GPATCH2: variants seen among roughly 807,000 people sequenced by gnomAD.
GPATCH2 encodes the protein G-patch domain containing 2.
A neutral mutation model predicts 58.0 loss-of-function variants in GPATCH2; 51 were observed. The ratio of observed to expected loss-of-function variants is 0.88; its 90% CI spans 0.70 to 1.11. GPATCH2 has a LOEUF of 1.11. Among genes scored for constraint, GPATCH2 ranks in the 50% most tolerant of loss-of-function variants. GPATCH2 has a pLI of 0.00. For synonymous variants in GPATCH2, 222 were observed against 218.5 expected (o/e 1.02, Z -0.14); for missense variants, 625 against 652.2 (o/e 0.96, Z 0.45).
intron 1 of GPATCH2, among the ~76,000 whole-genome samples, chr1:217,629,257 A>T (rs1669615011): frequency 6.6e-6 from 1 of 152,110 alleles, no homozygotes; most frequent in Non-Finnish European, 1.5e-5. Context: ...ATAGACTAGA[A>T]AATAAAGATC....
rs1669735004 is a variant in GPATCH2, at chr1:217,631,011, T to C, written c.-40A>G. On this transcript the variant is annotated 5_prime_UTR_variant, in exon 1 of 10. Transcript: ENST00000366935. ...AGCCTGGCCTCGAAGCTCAGGCCCGTGAACAGACTCCAACTACAACAGCAC... is the reference window on the plus strand; with the variant it reads ...AGCCTGGCCTCGAAGCTCAGGCCCGCGAACAGACTCCAACTACAACAGCAC... 1 of 1,553,572 alleles carries C rather than the reference T, an allele frequency of 6.4e-7. No individual in the cohort carries two copies. Among genetic ancestry groups the C allele is most frequent in the Non-Finnish European group, 8.7e-7 (1 of 1,150,500 alleles).
At chr1:217,432,796 T>C (rs1044823097) in intron 9 of GPATCH2, among the ~76,000 whole-genome samples, 1 of 152,122 alleles carries the variant, frequency 6.6e-6, no homozygotes. Context: ...TTTGTCTTAG[T>C]GAGAACATAT....
At chr1:217,463,337 C>A (rs963503387) in intron 8 of GPATCH2, among the ~76,000 whole-genome samples, 2 of 151,912 alleles carry the variant, frequency 1.3e-5, no homozygotes, top group Non-Finnish European at 2.9e-5. Flanking sequence ...TAAAATCTAC[C>A]GTAGAGATGG....
At chr1:217,528,838 G>A (rs1228565696) in intron 5 of GPATCH2, among the ~76,000 whole-genome samples, 5 of 152,210 alleles carry the variant, frequency 3.3e-5, no homozygotes, top group Non-Finnish European at 7.3e-5. Flanking sequence ...GAGGGGACCA[G>A]GGTGAGGACT....
intron 8 of GPATCH2, among the ~76,000 whole-genome samples, chr1:217,469,469 A>G (rs965922519): frequency 6.6e-6 from 1 of 152,152 alleles, no homozygotes; most frequent in Non-Finnish European, 1.5e-5. Context: ...AATTTGAAAA[A>G]CAATTATTTC....
intron 5 of GPATCH2, among the ~76,000 whole-genome samples, chr1:217,591,515 C>G (rs1178204538): frequency 1.3e-5 from 2 of 151,996 alleles, no homozygotes; most frequent in Non-Finnish European, 2.9e-5. Context: ...TAAACCCTGG[C>G]TAATATCTTA....
intron 8 of GPATCH2, among the ~76,000 whole-genome samples, chr1:217,466,948 G>A (rs1660484472): frequency 3.9e-5 from 6 of 152,278 alleles, no homozygotes; most frequent in Admixed American, 3.9e-4. Context: ...TGAGGCAGGC[G>A]GATTGCCTGA....
intron 5 of GPATCH2, among the ~76,000 whole-genome samples, chr1:217,537,620 G>A (rs749525119): frequency 2.6e-5 from 4 of 151,904 alleles, no homozygotes; most frequent in South Asian, 2.1e-4. Context: ...AAACCACTTC[G>A]GTCTTATATG....
chr1:217,571,715 AAAAAAC>A (rs1263712906), intron 5 of GPATCH2, among the ~76,000 whole-genome samples: 186 of 148,750 alleles, frequency 1.3e-3, no homozygotes, highest in Non-Finnish European at 2.1e-3. Flanking sequence ...AAAAAAAAAA[AAAAAAC>A]AAAAAAGAAG....
At chr1:217,514,759 A>G in intron 6 of GPATCH2, 63 bp downstream of exon 6, 1 of 739,882 alleles carries the variant, frequency 1.4e-6, no homozygotes. Context: ...AGTAGCTAAT[A>G]ATTTCCCAAA....
At chr1:217,472,142 A>T (rs1229780339) in intron 8 of GPATCH2, among the ~76,000 whole-genome samples, 5 of 152,156 alleles carry the variant, frequency 3.3e-5, no homozygotes, top group Non-Finnish European at 7.3e-5. Flanking sequence ...TAAACAATTG[A>T]ATAAAGCTGC....
chr1:217,506,721 G>A (rs1269363479), intron 6 of GPATCH2, among the ~76,000 whole-genome samples: 4 of 152,158 alleles, frequency 2.6e-5, no homozygotes, highest in Non-Finnish European at 4.4e-5. Flanking sequence ...GCTCCTTGCC[G>A]AACCTTCTCT....
chr1:217,464,436 G>A (rs1012745481), intron 8 of GPATCH2, among the ~76,000 whole-genome samples: 7 of 152,186 alleles, frequency 4.6e-5, no homozygotes, highest in Non-Finnish European at 1.0e-4. Flanking sequence ...AGGGAGACAA[G>A]ATGAACAAAG....
chr1:217,584,856 T>G (rs1667264420), intron 5 of GPATCH2, among the ~76,000 whole-genome samples: 1 of 152,178 alleles, frequency 6.6e-6, no homozygotes, highest in African/African-American at 2.4e-5. Flanking sequence ...ATTAGTTATA[T>G]GGTAGACAAT....
intron 8 of GPATCH2, among the ~76,000 whole-genome samples, chr1:217,468,515 CCACACACA>C (rs10524566): frequency 0.066 from 9,421 of 142,526 alleles, 348 homozygotes; most frequent in Middle Eastern, 0.12. Flanking sequence ...GCACACACAA[CCACACACA>C]CACACACACA....
At chr1:217,497,288 C>T (rs1571808485) in intron 7 of GPATCH2, among the ~76,000 whole-genome samples, 4 of 152,100 alleles carry the variant, frequency 2.6e-5, no homozygotes. Context: ...AAGAGGAACA[C>T]ATCATAGATG....
intron 8 of GPATCH2, among the ~76,000 whole-genome samples, chr1:217,452,349 C>A (rs968401007): frequency 1.3e-5 from 2 of 152,140 alleles, no homozygotes; most frequent in Non-Finnish European, 2.9e-5. Context: ...ATTTCAGATA[C>A]TTTTAAAGCT....
Position 217,558,016 on chromosome 1 carries a change from C to T in GPATCH2, c.1099-43127G>A, listed in dbSNP as rs540718628. On this transcript the variant is annotated intron_variant, in intron 5 of 9. Coordinates refer to ENST00000366935, the MANE Select transcript of GPATCH2 (RefSeq NM_018040.5). The stretch of plus-strand genomic sequence containing the variant: ...ACCATTAATTTTTTTAACCCCCTGA[C>T]TTTTTCAAAGCATTTTCATGTAATT... Among the ~76,000 whole-genome samples the T allele has an allele frequency of 1.7e-3, 254 of 152,214 alleles. 1 individual carries two copies. The highest frequency in any genetic ancestry group is 5.9e-3 in the African/African-American group (247 of 41,526).
At chr1:217,557,981 C>G (rs774754098) in intron 5 of GPATCH2, among the ~76,000 whole-genome samples, 1 of 152,118 alleles carries the variant, frequency 6.6e-6, no homozygotes, top group Non-Finnish European at 1.5e-5. Context: ...CCACATCTTA[C>G]GATTTTCAAA....
Sources: allele counts gnomAD v4.1 joint callset (sites outside exome capture counted in the v4.1 genomes callset), GRCh38; gene constraint gnomAD v4.1.1; transcripts MANE v1.5; gene names NCBI Gene and HGNC (gene_info 2026-07-23, HGNC 2026-07-21).